The following TIAM2 variants were observed in gnomAD, a reference collection of about 807,000 sequenced individuals.
TIAM2 encodes rho guanine nucleotide exchange factor TIAM2.
Under a neutral mutation model 152.9 loss-of-function variants are expected in TIAM2, and 80 were observed. The ratio of observed to expected loss-of-function variants is 0.52; its 90% confidence interval spans 0.44 to 0.63. The LOEUF (loss-of-function observed/expected upper bound fraction) is 0.63, where lower values mean the gene tolerates loss of function less well. TIAM2 is among the 30% of genes least tolerant of loss of function. The pLI is 0.00. For synonymous variants in TIAM2, 804 were observed against 838.0 expected (o/e 0.96, Z 0.70); for missense variants, 1,965 against 2,120.1 (o/e 0.93, Z 1.44).
At chr6:155,036,527 A>T (rs1776924819) in intron 1 of TIAM2, among the ~76,000 whole-genome samples, 1 of 151,548 alleles carries the variant, frequency 6.6e-6, no homozygotes, top group Admixed American at 6.6e-5. Flanking sequence ...AAAAAAAAAA[A>T]AAAAAAGAGT....
Position 155,207,609 on chromosome 6 carries a change from C to G in TIAM2, c.3065-3595C>G, listed in dbSNP as rs143145490. 1.8e-3 allele frequency among the ~76,000 whole-genome samples: 281 copies of G among 152,322 alleles called. 4 individuals are homozygous for G. Among genetic ancestry groups the G allele is most frequent in the African/African-American group, 6.4e-3 (265 of 41,564 alleles). ...GTGGGAGCTGGTTCCTTTGGGCCAT[C>G]CTATCCAAGCCTGTGCCTCAGAGAA... On this transcript the variant is annotated intron_variant, in intron 14 of 26. Coordinates refer to ENST00000682666, the MANE Select transcript of TIAM2 (RefSeq NM_012454.4).
intron 15 of TIAM2, among the ~76,000 whole-genome samples, chr6:155,230,927 G>A (rs146792355): frequency 3.3e-5 from 5 of 150,866 alleles, no homozygotes; most frequent in African/African-American, 4.9e-5. Context: ...TCTGCCTCCC[G>A]GGTTCAAGCA....
intron 9 of TIAM2, among the ~76,000 whole-genome samples, chr6:155,171,962 T>C (rs2115115842): frequency 6.6e-6 from 1 of 152,314 alleles, no homozygotes; most frequent in South Asian, 2.1e-4. Context: ...GTGATTTTGC[T>C]ACTCACTTCC....
At chr6:155,137,021 A>T (rs910466425) in intron 4 of TIAM2, among the ~76,000 whole-genome samples, 156 bp from the exon 5 acceptor site, 6 of 152,250 alleles carry the variant, frequency 3.9e-5, no homozygotes, top group African/African-American at 1.4e-4. Context: ...TCTTTCTGGT[A>T]TGAAGACTTG....
chr6:155,189,076 G>T (rs1781123896), intron 14 of TIAM2, among the ~76,000 whole-genome samples: 2 of 152,164 alleles, frequency 1.3e-5, no homozygotes, highest in South Asian at 4.1e-4. Context: ...TTGCTCTTTG[G>T]AATGAATTGC....
chr6:154,997,129 AGTT>A (rs1386302635), intron 1 of TIAM2, among the ~76,000 whole-genome samples: 2 of 152,130 alleles, frequency 1.3e-5, no homozygotes, highest in African/African-American at 2.4e-5. Flanking sequence ...GCTACTCAGA[AGTT>A]GTTATTTCCA....
chr6:155,113,393 A>G (rs886987348), intron 2 of TIAM2, among the ~76,000 whole-genome samples: 4 of 151,770 alleles, frequency 2.6e-5, no homozygotes, highest in South Asian at 2.1e-4. Flanking sequence ...CTTCTTTACT[A>G]TTTTGTCAAA....
chr6:155,201,467 C>T (rs570101863), intron 14 of TIAM2, among the ~76,000 whole-genome samples: 1 of 152,268 alleles, frequency 6.6e-6, no homozygotes, highest in East Asian at 1.9e-4. Flanking sequence ...GTGTCCGTTT[C>T]CTTGCAGTGC....
chr6:155,032,224 G>A (rs890072649), intron 1 of TIAM2, among the ~76,000 whole-genome samples: 1 of 152,134 alleles, frequency 6.6e-6, no homozygotes, highest in Non-Finnish European at 1.5e-5. Context: ...TCTTAAGCCT[G>A]TGCGAACCTG....
chr6:155,245,911 G>A (rs929667237), intron 19 of TIAM2, among the ~76,000 whole-genome samples, 180 bp downstream of exon 19: 2 of 152,142 alleles, frequency 1.3e-5, no homozygotes, highest in Non-Finnish European at 2.9e-5. Context: ...CAGTTAATTA[G>A]TAGCTGGGAA....
At chr6:155,054,867 G>A (rs1777407813) in intron 1 of TIAM2, among the ~76,000 whole-genome samples, 1 of 152,170 alleles carries the variant, frequency 6.6e-6, no homozygotes, top group African/African-American at 2.4e-5. Flanking sequence ...TATGACATTG[G>A]TGAAAGAGAA....
chr6:155,015,391 A>G (rs1018870271), intron 1 of TIAM2, among the ~76,000 whole-genome samples: 8 of 152,148 alleles, frequency 5.3e-5, no homozygotes. Context: ...GGAGCTCAAG[A>G]GAGACAGGTC....
At chr6:155,117,470 T>C (rs1779042326) in intron 2 of TIAM2, among the ~76,000 whole-genome samples, 2 of 152,122 alleles carry the variant, frequency 1.3e-5, no homozygotes, top group South Asian at 4.1e-4. Flanking sequence ...GTAGACGGAG[T>C]CATGCTTTGT....
intron 14 of TIAM2, among the ~76,000 whole-genome samples, chr6:155,184,621 A>G (rs1037425035): frequency 7.2e-5 from 11 of 152,216 alleles, no homozygotes; most frequent in African/African-American, 2.4e-4. Context: ...ATGGATTTCC[A>G]ATTGAAATCT....
At chr6:155,126,869 C>T (rs544306747) in intron 2 of TIAM2, among the ~76,000 whole-genome samples, 13 of 151,696 alleles carry the variant, frequency 8.6e-5, no homozygotes, top group East Asian at 7.8e-4. Context: ...CTCTGCTTCC[C>T]GTGTCTGTGG....
intron 1 of TIAM2, among the ~76,000 whole-genome samples, chr6:155,064,947 A>G (rs905323405): frequency 2.0e-5 from 3 of 149,344 alleles, no homozygotes; most frequent in Non-Finnish European, 3.0e-5. Flanking sequence ...GTTTGTTCCT[A>G]TATACAGTAT....
intron 2 of TIAM2, among the ~76,000 whole-genome samples, chr6:155,113,798 T>G (rs1778922386): frequency 6.6e-6 from 1 of 151,836 alleles, no homozygotes; most frequent in African/African-American, 2.4e-5. Flanking sequence ...CAGGGATACT[T>G]CTTTGGATGG....
chr6:155,046,370 T>C (rs1265048621), intron 1 of TIAM2, among the ~76,000 whole-genome samples: 1 of 131,132 alleles, frequency 7.6e-6, no homozygotes, highest in Non-Finnish European at 1.6e-5. Context: ...GGAGTTGCAC[T>C]GTACCACTCA....
rs975568824 is a variant in TIAM2, at chr6:155,134,792, G to A, written c.1195-2385G>A. Among the ~76,000 whole-genome samples, 37 of 152,022 alleles carry A rather than the reference G, an allele frequency of 2.4e-4. 1 individual carries two copies. The highest frequency in any genetic ancestry group is 7.2e-4 in the African/African-American group (30 of 41,476). On this transcript the variant is annotated intron_variant, in intron 4 of 26. Transcript: ENST00000682666. ...GTGATCTCTACTCACTGCAACCTCC[G>A]CCTCCCGGGTTCAAGCGATTCTCCT...
Sources: allele counts gnomAD v4.1 joint callset (sites outside exome capture counted in the v4.1 genomes callset), GRCh38; gene constraint gnomAD v4.1.1; transcripts MANE v1.5; gene names NCBI Gene and HGNC (gene_info 2026-07-23, HGNC 2026-07-21).